RABGAP1L: variants seen among roughly 807,000 people sequenced by gnomAD.
RABGAP1L encodes rab GTPase-activating protein 1-like.
RABGAP1L carries 63 observed loss-of-function variants against 137.7 expected under a neutral mutation model. The observed-to-expected ratio is 0.46, with a 90% confidence interval of 0.37 to 0.56. The LOEUF is 0.56. RABGAP1L is among the 20% of genes least tolerant of loss of function. The pLI is 0.00. For synonymous variants in RABGAP1L, 431 were observed against 433.7 expected (o/e 0.99, Z 0.08); for missense variants, 1,095 against 1,244.0 (o/e 0.88, Z 1.80).
chr1:174,623,442 A>G (rs1339371827), intron 13 of RABGAP1L, among the ~76,000 whole-genome samples: 2 of 152,224 alleles, frequency 1.3e-5, no homozygotes, highest in Non-Finnish European at 2.9e-5. Flanking sequence ...AAGCTGACAG[A>G]AAGCTGTTAT....
chr1:174,732,366 G>T (rs1218367049), intron 17 of RABGAP1L, among the ~76,000 whole-genome samples: 5 of 152,146 alleles, frequency 3.3e-5, no homozygotes, highest in Non-Finnish European at 7.3e-5. Flanking sequence ...CTTAGCATTA[G>T]GGCTTAAAGT....
At chr1:174,325,965 G>A (rs903802285) in intron 11 of RABGAP1L, among the ~76,000 whole-genome samples, 5 of 152,230 alleles carry the variant, frequency 3.3e-5, no homozygotes, top group Non-Finnish European at 2.9e-5. Context: ...TCTATCCTTT[G>A]CATCAGTGAC....
At chr1:174,791,536 G>A (rs1466031825) in intron 18 of RABGAP1L, among the ~76,000 whole-genome samples, 1 of 152,056 alleles carries the variant, frequency 6.6e-6, no homozygotes, top group Non-Finnish European at 1.5e-5. Flanking sequence ...AGAGGATCAG[G>A]GAATAGTCTA....
intron 13 of RABGAP1L, among the ~76,000 whole-genome samples, chr1:174,556,441 A>G (rs556225183): frequency 6.6e-6 from 1 of 152,346 alleles, no homozygotes; most frequent in East Asian, 1.9e-4. Flanking sequence ...GGATGAAATA[A>G]AAGGATGACT....
At chr1:174,659,221 C>A (rs550243372) in intron 14 of RABGAP1L, among the ~76,000 whole-genome samples, 1 of 145,078 alleles carries the variant, frequency 6.9e-6, no homozygotes, top group South Asian at 2.2e-4. Flanking sequence ...GATGAAGATA[C>A]CTGCTTTACT....
chr1:174,741,026 C>T (rs1177306831), intron 17 of RABGAP1L, among the ~76,000 whole-genome samples: 1 of 145,158 alleles, frequency 6.9e-6, no homozygotes, highest in African/African-American at 2.6e-5. Context: ...TCTCTTCACT[C>T]TGTTGATTTT....
chr1:174,526,618 G>C (rs552214474), intron 13 of RABGAP1L, among the ~76,000 whole-genome samples: 1 of 152,052 alleles, frequency 6.6e-6, no homozygotes, highest in South Asian at 2.1e-4. Context: ...CAGTTTGTTA[G>C]TGTATCGTTA....
intron 11 of RABGAP1L, among the ~76,000 whole-genome samples, chr1:174,316,438 CT>C (rs1366896712): frequency 6.6e-6 from 1 of 152,154 alleles, no homozygotes; most frequent in Non-Finnish European, 1.5e-5. Context: ...GCTGTATCTA[CT>C]TTAGGGGCAA....
intron 11 of RABGAP1L, among the ~76,000 whole-genome samples, chr1:174,314,051 C>T (rs1304438031): frequency 3.3e-5 from 5 of 152,078 alleles, no homozygotes; most frequent in Non-Finnish European, 7.4e-5. Flanking sequence ...GAAGAGTTCC[C>T]TCGTCCTCTG....
At chr1:174,987,288 G>T (rs1255861393) in intron 24 of RABGAP1L, among the ~76,000 whole-genome samples, 1 of 151,690 alleles carries the variant, frequency 6.6e-6, no homozygotes, top group African/African-American at 2.4e-5. Flanking sequence ...TGCCTCAGCC[G>T]CCTGAGTAGC....
chr1:174,744,605 A>T (rs977044402), intron 17 of RABGAP1L, among the ~76,000 whole-genome samples: 10 of 152,234 alleles, frequency 6.6e-5, no homozygotes, highest in Non-Finnish European at 1.5e-4. Flanking sequence ...CTTCTGTGGT[A>T]TTTGTGCCCA....
intron 5 of RABGAP1L, among the ~76,000 whole-genome samples, chr1:174,242,042 G>A (rs1339891799): frequency 6.6e-6 from 1 of 152,156 alleles, no homozygotes; most frequent in Non-Finnish European, 1.5e-5. Flanking sequence ...GGGCTTGATA[G>A]TTGCATATTG....
intron 3 of RABGAP1L, 106 bp from the exon 4 acceptor site, chr1:174,231,039 C>A (rs1324172768): frequency 5.2e-6 from 4 of 768,476 alleles, no homozygotes; most frequent in East Asian, 5.3e-5. Flanking sequence ...ACAGAGAGAC[C>A]TAGATTTTGT....
intron 19 of RABGAP1L, among the ~76,000 whole-genome samples, chr1:174,841,859 T>G (rs1208632520): frequency 6.7e-6 from 1 of 150,018 alleles, no homozygotes; most frequent in Admixed American, 6.6e-5. Context: ...AGAATAACTT[T>G]CTTTTTTTTT....
At chr1:174,981,548 A>ATTT (rs1671109153) in intron 23 of RABGAP1L, among the ~76,000 whole-genome samples, 3 of 67,360 alleles carry the variant, frequency 4.5e-5, no homozygotes, top group African/African-American at 1.3e-4. Context: ...CTGTTTTTCC[A>ATTT]TCTTTTTTTT....
intron 10 of RABGAP1L, among the ~76,000 whole-genome samples, chr1:174,288,307 T>C (rs1191872692): frequency 6.6e-6 from 1 of 152,248 alleles, no homozygotes; most frequent in African/African-American, 2.4e-5. Context: ...CAGTGAGTTT[T>C]ATACATTTAT....
chr1:174,749,826 C>T (rs550429989), intron 17 of RABGAP1L, among the ~76,000 whole-genome samples: 27 of 152,196 alleles, frequency 1.8e-4, no homozygotes, highest in Admixed American at 8.5e-4. Context: ...AAATTTTCCC[C>T]ACAAGAGACA....
At chr1:174,877,598 G>A in intron 19 of RABGAP1L, 1 of 1,613,148 alleles carries the variant, frequency 6.2e-7, no homozygotes, top group Non-Finnish European at 8.5e-7. Context: ...AGCAAGCCCA[G>A]GTCTATGGTA....
At chr1:174,294,961 C>G (rs1676978729) in intron 10 of RABGAP1L, among the ~76,000 whole-genome samples, 1 of 151,938 alleles carries the variant, frequency 6.6e-6, no homozygotes. Context: ...CTCTGTAGCC[C>G]AGGCTGCAGT....
Sources: gnomAD v4.1 joint callset for allele counts (sites outside exome capture counted in the v4.1 genomes callset) on GRCh38, gnomAD v4.1.1 for gene constraint, MANE v1.5 for transcripts, NCBI Gene and HGNC (gene_info 2026-07-23, HGNC 2026-07-21) for gene names.